Variants in PITPNM2 observed in about 807,000 individuals in gnomAD.
PITPNM2 encodes the protein phosphatidylinositol transfer protein membrane associated 2.
In PITPNM2, 35 loss-of-function variants were observed where a neutral mutation model predicts 132.2. That is an observed-to-expected ratio of 0.26 (90% CI 0.20 to 0.35). The LOEUF (loss-of-function observed/expected upper bound fraction) is 0.35. Among genes scored for constraint, PITPNM2 ranks in the 10% least tolerant of loss-of-function variants. The pLI, the probability that PITPNM2 is intolerant of heterozygous loss-of-function variation, is 1.00. For synonymous variants in PITPNM2, 738 were observed against 799.2 expected (o/e 0.92, Z 1.29); for missense variants, 1,332 against 1,912.0 (o/e 0.70, Z 5.66).
At position 122,986,790 on chromosome 12, in the gene PITPNM2, C is replaced by T. The variant is rs746076618; in HGVS notation, c.3453G>A (p.Thr1151=). The stretch of plus-strand genomic sequence containing the variant: ...GCTGCTTCTGCATGTCGGGCCGGCC[C>T]GTCACGTAGATGATGAGGTAGCCCA... ...QDLGYLIIYV[T]GRPDMQKQRV... The change falls in exon 24 of 26, where the codon ACG becomes ACA. Residue 1151 remains threonine (T), a synonymous_variant. Transcript: ENST00000320201. 1.5e-5 allele frequency: 24 copies of T among 1,613,144 alleles called. No homozygotes were observed. The highest frequency in any genetic ancestry group is 2.2e-5 in the South Asian group (2 of 91,046).
chr12:123,013,205 C>G (rs780747949), intron 4 of PITPNM2, among the ~76,000 whole-genome samples: 1 of 152,230 alleles, frequency 6.6e-6, no homozygotes, highest in Non-Finnish European at 1.5e-5. Flanking sequence ...CCTCAGCAAG[C>G]TCCAGGTGCC....
intron 1 of PITPNM2, among the ~76,000 whole-genome samples, chr12:123,128,902 A>C (rs2137528925): frequency 6.6e-6 from 1 of 151,884 alleles, no homozygotes; most frequent in African/African-American, 2.4e-5. Context: ...TTGGGAGGCC[A>C]AGAGGGCGTA....
rs1299750155 is a variant in PITPNM2, at chr12:122,996,785, T to C, written c.1598A>G (p.Gln533Arg). The change falls in exon 12 of 26, where the codon CAG (glutamine) becomes CGG (arginine). Residue 533 changes from glutamine to arginine, a missense_variant. By Grantham distance (43) the Gln-to-Arg change is conservative. Around this residue, in one of 6 missense-constraint regions of PITPNM2, gnomAD observed 710 missense variants for 911.5 expected, o/e 0.78. Coordinates refer to ENST00000320201, the MANE Select transcript of PITPNM2 (RefSeq NM_020845.3). ...GTCCCCATAGGCAAGGTTGGCTCGC[T>C]GAATCACTGTGGCAACTGCCTCCTG... ...QYQEAVATVI[Q>R]RANLAYGDFI... 1.2e-6 allele frequency: 2 copies of C among 1,610,446 alleles called. No homozygotes were observed. The highest frequency in any genetic ancestry group is 3.4e-5 in the Admixed American group (2 of 59,084).
intron 2 of PITPNM2, among the ~76,000 whole-genome samples, chr12:123,102,260 G>A (rs35380290): frequency 1.3e-5 from 2 of 152,208 alleles, no homozygotes; most frequent in African/African-American, 2.4e-5. Flanking sequence ...AGCTACTTAA[G>A]GGCAGAGAGC....
chr12:123,061,982 G>A (rs1240051140), intron 2 of PITPNM2, among the ~76,000 whole-genome samples: 1 of 152,182 alleles, frequency 6.6e-6, no homozygotes, highest in Non-Finnish European at 1.5e-5. Flanking sequence ...GAACTACGGT[G>A]TAGAGGTAGG....
At position 122,997,429 on chromosome 12, in the gene PITPNM2, G is replaced by A. The variant is rs971868992; in HGVS notation, c.1368C>T (p.Phe456=). ...GGTAGTGCACGCGCATGACGGTGTCGAACACGTTGGCGATGGTGTTAGCAT... is the reference window on the plus strand; with the variant it reads ...GGTAGTGCACGCGCATGACGGTGTCAAACACGTTGGCGATGGTGTTAGCAT... The part of the protein sequence containing the change: ...KGDANTIANV[F]DTVMRVHYPS... The change falls in exon 11 of 26, where the codon TTC becomes TTT. Residue 456 remains phenylalanine (F), a synonymous_variant. Coordinates refer to ENST00000320201, the MANE Select transcript of PITPNM2 (RefSeq NM_020845.3). 23 of 1,613,430 alleles carry A rather than the reference G, an allele frequency of 1.4e-5. No homozygotes were observed. The highest frequency in any genetic ancestry group is 5.0e-5 in the Admixed American group (3 of 60,014).
chr12:123,118,610 G>A (rs1373542371), intron 1 of PITPNM2, among the ~76,000 whole-genome samples: 1 of 152,216 alleles, frequency 6.6e-6, no homozygotes, highest in African/African-American at 2.4e-5. Context: ...GAGTTCTGAG[G>A]GGAATGTCCA....
At chr12:123,130,666 G>A (rs1256154731) in intron 1 of PITPNM2, among the ~76,000 whole-genome samples, 2 of 152,174 alleles carry the variant, frequency 1.3e-5, no homozygotes, top group African/African-American at 2.4e-5. Flanking sequence ...TGTAGTCCCA[G>A]TTACTTAGGA....
At chr12:122,995,071 C>A in intron 14 of PITPNM2, 92 bp from the exon 15 acceptor site, 1 of 1,361,614 alleles carries the variant, frequency 7.3e-7, no homozygotes, top group Non-Finnish European at 9.8e-7. Context: ...CAACCTCTCT[C>A]GGGGGCCCAC....
intron 8 of PITPNM2, among the ~76,000 whole-genome samples, chr12:123,001,971 C>T (rs1484186769): frequency 1.3e-5 from 2 of 150,834 alleles, no homozygotes; most frequent in Non-Finnish European, 2.9e-5. Context: ...GCGGAGGTTG[C>T]AGCGAGCTGA....
chr12:123,013,963 C>T lies in PITPNM2; in HGVS notation c.158G>A (p.Gly53Asp). ...LENRPYTDGP[G>D]GSGQYTHKVY... ...CTTGTGTGTGTACTGCCCAGAGCCG[C>T]CTGGGCCATCTGTGTACGGCCGGTT... The change falls in exon 4 of 26, where the codon GGC (glycine) becomes GAC (aspartate). Residue 53 changes from glycine (G) to aspartate (D), a missense_variant. Around this residue, in one of 6 missense-constraint regions of PITPNM2, gnomAD observed 83 missense variants for 118.7 expected, o/e 0.70. Transcript: ENST00000320201. 1.2e-6 allele frequency: 2 copies of T among 1,614,264 alleles called. No homozygotes were observed. Among genetic ancestry groups the T allele is most frequent in the Non-Finnish European group, 1.7e-6 (2 of 1,180,050 alleles).
At chr12:123,040,273 A>G (rs2040417862) in intron 2 of PITPNM2, among the ~76,000 whole-genome samples, 1 of 152,208 alleles carries the variant, frequency 6.6e-6, no homozygotes, top group South Asian at 2.1e-4. Flanking sequence ...CAGAGTTTCT[A>G]TTTGGGTGAT....
chr12:122,989,886 C>T lies in PITPNM2; in HGVS notation c.2632G>A (p.Ala878Thr), dbSNP rs559150099. The change falls in exon 18 of 26, where the codon GCC becomes ACC. Residue 878 changes from alanine (A) to threonine (T), a missense_variant. Coordinates refer to ENST00000320201, the MANE Select transcript of PITPNM2 (RefSeq NM_020845.3). ...GGGCCAGGGGTGGTGGGGCTGGGGGCGGGCAGGGCGAGCAGGGACAGACGC... is the reference window on the plus strand; with the variant it reads ...GGGCCAGGGGTGGTGGGGCTGGGGGTGGGCAGGGCGAGCAGGGACAGACGC... ...VRRLSLLALP[A>T]PSPTTPGPHP... The T allele has an allele frequency of 1.3e-4, 161 of 1,265,026 alleles. 2 individuals carry two copies. The South Asian group carries it at 2.2e-3, about 17-fold the overall frequency. The allele number at this position is 1,265,026 out of a possible 1,614,324, so 78.4% of individuals were successfully genotyped here.
rs1021343566 is a variant in PITPNM2 at position 122,992,284 on chromosome 12, G to A, written c.2404+215C>T. Among the ~76,000 whole-genome samples, 2 of 152,150 alleles carry A rather than the reference G, an allele frequency of 1.3e-5. No homozygotes were observed. Among genetic ancestry groups the A allele is most frequent in the African/African-American group, 4.8e-5 (2 of 41,420 alleles). On this transcript the variant is annotated intron_variant, in intron 16 of 25. Transcript: ENST00000320201. The surrounding 1 kb of genome is among the most constrained non-coding windows in gnomAD (Gnocchi z 6.5). ...AGGCCCTGACCTGTGTCCTCTGAAAGGTGGGAACTATCATTTGTGCCTCAC... is the reference window on the plus strand; with the variant it reads ...AGGCCCTGACCTGTGTCCTCTGAAAAGTGGGAACTATCATTTGTGCCTCAC...
Position 123,034,674 on chromosome 12 carries a change from C to A in PITPNM2, c.-84G>T. The A allele has an allele frequency of 8.6e-7, 1 of 1,161,956 alleles. No individual in the cohort carries two copies. Among genetic ancestry groups the A allele is most frequent in the Non-Finnish European group, 1.3e-6 (1 of 771,872 alleles). The allele number at this position is 1,161,956 out of a possible 1,614,324, so 72.0% of individuals were successfully genotyped here. The stretch of plus-strand genomic sequence containing the variant: ...TTCCTTAAATAACCATGACAAAATT[C>A]ACCAAGGACCCCTGGGAGACAGAGA... On this transcript the variant is annotated 5_prime_UTR_variant, in exon 3 of 26. Transcript: ENST00000320201.
At position 123,143,940 on chromosome 12, in the gene PITPNM2, C is replaced by T. The variant is rs1455130589; in HGVS notation, c.-200+6813G>A. Among the ~76,000 whole-genome samples, 5 of 152,322 alleles carry T rather than the reference C, an allele frequency of 3.3e-5. No individual in the cohort carries two copies. In the South Asian group the frequency reaches 1.0e-3, roughly 32 times the overall value. On this transcript the variant is annotated intron_variant, in intron 1 of 25. Transcript: ENST00000320201. ...GGTGCCCTGAGCTAGGCTGGATACA[C>T]CGTGGGGGCTGACATGATGCCAAAG...
Position 122,988,343 on chromosome 12 carries a change from C to G in PITPNM2, c.2888G>C (p.Arg963Thr). The G allele has an allele frequency of 6.2e-7, 1 of 1,612,900 alleles. No individual in the cohort carries two copies. The highest frequency in any genetic ancestry group is 8.5e-7 in the Non-Finnish European group (1 of 1,179,598). Residue 963 changes from arginine to threonine, a missense_variant, in exon 20 of 26, where the codon AGG becomes ACG. By Grantham distance (71) the Arg-to-Thr change is moderately conservative (BLOSUM62 -1). Coordinates refer to ENST00000320201, the MANE Select transcript of PITPNM2 (RefSeq NM_020845.3). ...CTCCAAGATGCTGGAGTTGTCATGC[C>G]TCATGACCTGGGAAGAGGGGACAGT... Reference protein sequence around the residue: ...VVSFLLRQVMRHDNSSILELD... With the variant: ...VVSFLLRQVMTHDNSSILELD...
rs143481396 is a variant in PITPNM2, at chr12:123,005,245, C to A, written c.947G>T (p.Arg316Leu). The change falls in exon 7 of 26, where the codon CGG becomes CTG. Residue 316 changes from arginine (R) to leucine (L), a missense_variant. Coordinates refer to ENST00000320201, the MANE Select transcript of PITPNM2 (RefSeq NM_020845.3). The surrounding 1 kb of genome is among the most constrained non-coding windows in gnomAD (Gnocchi z 6.2). ...TSSKSSRSSK[R>L]GASPSRHSIS... is the part of the protein sequence containing the mutation. ...CAGGTGGCGCAGGGCCTTACCTCCC[C>A]GCTTGGACGACCGAGACGACTTGGA... 3 of 1,611,314 alleles carry A rather than the reference C, an allele frequency of 1.9e-6. No homozygotes were observed. Among genetic ancestry groups the A allele is most frequent in the South Asian group, 2.2e-5 (2 of 90,964 alleles).
intron 2 of PITPNM2, among the ~76,000 whole-genome samples, chr12:123,066,885 C>T (rs186739105): frequency 6.6e-6 from 1 of 152,196 alleles, no homozygotes; most frequent in East Asian, 1.9e-4. Flanking sequence ...TGCTAAAAGC[C>T]CTGGGTGTGT....
Sources: gnomAD v4.1 joint callset for allele counts (sites outside exome capture counted in the v4.1 genomes callset) on GRCh38, gnomAD v4.1.1 for gene constraint, gnomAD v4.1.1 regional missense constraint, Gnocchi (gnomAD v3.1) non-coding constraint, MANE v1.5 for transcripts, NCBI Gene and HGNC (gene_info 2026-07-23, HGNC 2026-07-21) for gene names.